The following TENT5D variants were observed in gnomAD, a reference collection of about 807,000 sequenced individuals.
The protein encoded by TENT5D is cancer/testis antigen 112.
For missense variants in TENT5D, 191 were observed against 287.0 expected (o/e 0.67, Z 2.42); for synonymous variants, 103 against 100.6 (o/e 1.02, Z -0.15).
chrX:80,378,355 T>G (rs935990010), intron 3 of TENT5D, among the ~76,000 whole-genome samples: 4 of 111,639 alleles, frequency 3.6e-5, no homozygotes, highest in Admixed American at 9.6e-5. Context: ...TCTTCTAGGG[T>G]TTTTATGGTT....
At chrX:80,429,227 T>G (rs919952255) in intron 1 of TENT5D, among the ~76,000 whole-genome samples, 3 of 111,652 alleles carry the variant, frequency 2.7e-5, no homozygotes, top group Admixed American at 9.5e-5. Context: ...GGGCACTCCC[T>G]TTTGAAGTGT....
intron 3 of TENT5D, among the ~76,000 whole-genome samples, chrX:80,414,832 C>G (rs1383139630): frequency 8.9e-6 from 1 of 111,974 alleles, no homozygotes; most frequent in Non-Finnish European, 1.9e-5. Flanking sequence ...TTGCCTTAAG[C>G]TGTTCCCAGC....
chrX:80,349,221 T>A (rs1202431397), intron 3 of TENT5D, among the ~76,000 whole-genome samples: 1 of 112,134 alleles, frequency 8.9e-6, no homozygotes, highest in Non-Finnish European at 1.9e-5. Context: ...TGGAATAGTT[T>A]CAGAAGGAAT....
intron 3 of TENT5D, among the ~76,000 whole-genome samples, chrX:80,409,602 C>G (rs1237688394): frequency 6.3e-5 from 7 of 111,008 alleles, no homozygotes; most frequent in Non-Finnish European, 1.3e-4. Context: ...AAAGAGGATA[C>G]AAACAAATGG....
At chrX:80,396,575 G>A (rs897661439) in intron 3 of TENT5D, among the ~76,000 whole-genome samples, 3 of 110,315 alleles carry the variant, frequency 2.7e-5, no homozygotes, top group Non-Finnish European at 3.8e-5. Flanking sequence ...TGTTTCAGAG[G>A]GCACAGGGTT....
At chrX:80,410,397 G>GA (rs1277917069) in intron 3 of TENT5D, among the ~76,000 whole-genome samples, 7 of 80,073 alleles carry the variant, frequency 8.7e-5, no homozygotes, top group Non-Finnish European at 1.7e-4. Context: ...AAATTTACAA[G>GA]AAAAAAACAA....
At chrX:80,391,644 G>A (rs1931129412) in intron 3 of TENT5D, among the ~76,000 whole-genome samples, 1 of 112,163 alleles carries the variant, frequency 8.9e-6, no homozygotes, top group African/African-American at 3.2e-5. Context: ...CTGAAAAAGT[G>A]AACCCTGAGA....
chrX:80,428,690 A>G (rs1279982470), intron 1 of TENT5D, among the ~76,000 whole-genome samples: 4 of 112,016 alleles, frequency 3.6e-5, no homozygotes, highest in Admixed American at 9.5e-5. Flanking sequence ...CACTGTACCC[A>G]GGTACCCACA....
At chrX:80,375,723 C>T (rs1412278949) in intron 3 of TENT5D, among the ~76,000 whole-genome samples, 1 of 111,417 alleles carries the variant, frequency 9.0e-6, no homozygotes, top group African/African-American at 3.3e-5. Context: ...TTAGTGAAAG[C>T]TTATGTGATA....
intron 3 of TENT5D, among the ~76,000 whole-genome samples, chrX:80,380,518 A>G (rs1045900070): frequency 1.8e-5 from 2 of 110,674 alleles, no homozygotes; most frequent in Non-Finnish European, 3.8e-5. Flanking sequence ...TATCCTTGTT[A>G]ACCTTCTGTC....
chrX:80,340,669 G>A (rs148319676), intron 2 of TENT5D, among the ~76,000 whole-genome samples: 7 of 110,708 alleles, frequency 6.3e-5, no homozygotes, highest in East Asian at 5.7e-4. Context: ...TAGACATTTC[G>A]GTCTGTACAA....
intron 3 of TENT5D, among the ~76,000 whole-genome samples, chrX:80,373,173 A>G (rs1210187746): frequency 9.0e-6 from 1 of 111,210 alleles, no homozygotes; most frequent in Non-Finnish European, 1.9e-5. Context: ...ATCCCCTTTT[A>G]AAATGTAAAT....
At chrX:80,403,569 T>A (rs1265994194) in intron 3 of TENT5D, among the ~76,000 whole-genome samples, 1 of 112,608 alleles carries the variant, frequency 8.9e-6, no homozygotes, top group East Asian at 2.8e-4. Context: ...AGCTTCGCTG[T>A]GCTTTATAAG....
At chrX:80,352,628 C>T (rs769055168) in intron 3 of TENT5D, among the ~76,000 whole-genome samples, 1 of 105,007 alleles carries the variant, frequency 9.5e-6, no homozygotes, top group South Asian at 4.6e-4. Flanking sequence ...AACGAGACCA[C>T]GTGGCTCCCT....
intron 1 of TENT5D, among the ~76,000 whole-genome samples, chrX:80,427,415 A>G (rs1015446278): frequency 2.7e-5 from 3 of 112,389 alleles, no homozygotes; most frequent in Non-Finnish European, 5.6e-5. Flanking sequence ...TGCATAATTT[A>G]GACTACCTAT....
chrX:80,367,026 T>A (rs1345370804), intron 3 of TENT5D, among the ~76,000 whole-genome samples: 1 of 111,458 alleles, frequency 9.0e-6, no homozygotes, highest in African/African-American at 3.3e-5. Flanking sequence ...TACCAATGAT[T>A]TTATAGATAT....
chrX:80,401,814 G>T (rs957017216), intron 3 of TENT5D, among the ~76,000 whole-genome samples: 1 of 111,968 alleles, frequency 8.9e-6, no homozygotes, highest in Admixed American at 9.5e-5. Flanking sequence ...CTTGTATTTT[G>T]TTGAGGATTT....
chrX:80,337,629 G>A lies in TENT5D; in HGVS notation c.-207+1913G>A, dbSNP rs1929877343. On this transcript the variant is annotated intron_variant, in intron 2 of 4. Coordinates refer to the TENT5D transcript ENST00000538312. ...GAGTTTTCCACCATATGAATATATT[G>A]TAATTTATCTGTTCTGGTGATGGAC... is the stretch of plus-strand genomic sequence containing the variant. Among the ~76,000 whole-genome samples, 5 of 111,891 alleles carry A rather than the reference G, an allele frequency of 4.5e-5. No individual in the cohort carries two copies. The South Asian group carries it at 1.8e-3, about 41-fold the overall frequency.
intron 3 of TENT5D, among the ~76,000 whole-genome samples, chrX:80,374,357 TG>T (rs1389523069): frequency 3.6e-5 from 4 of 111,445 alleles, no homozygotes; most frequent in African/African-American, 1.3e-4. Flanking sequence ...TACTCAGTAA[TG>T]GGATTGCTGT....
Sources: gnomAD v4.1 joint callset for allele counts (sites outside exome capture counted in the v4.1 genomes callset) on GRCh38, gnomAD v4.1.1 for gene constraint, MANE v1.5 for transcripts, NCBI Gene and HGNC (gene_info 2026-07-23, HGNC 2026-07-21) for gene names.